The following NEMP2 variants were observed in gnomAD, a reference collection of about 807,000 sequenced individuals.
NEMP2 encodes nuclear envelope integral membrane protein 2, also known as UPF0571 transmembrane protein.
In NEMP2, 53 loss-of-function variants were observed where a neutral mutation model predicts 54.2. The ratio of observed to expected loss-of-function variants is 0.98; its 90% CI spans 0.78 to 1.23. The LOEUF (loss-of-function observed/expected upper bound fraction) is 1.23. Among genes scored for constraint, NEMP2 ranks in the 50% most tolerant of loss-of-function variants. The pLI, the probability that NEMP2 is intolerant of heterozygous loss-of-function variation, is 0.00. For missense variants in NEMP2, 455 were observed against 511.3 expected (o/e 0.89, Z 1.06); for synonymous variants, 197 against 190.3 (o/e 1.04, Z -0.29).
chr2:190,472,264 AG>A, the NEMP2 span, among the ~76,000 whole-genome samples: 3 of 152,256 alleles, frequency 2.0e-5, no homozygotes, highest in Non-Finnish European at 4.4e-5. Flanking sequence ...AGTTGAGAGA[AG>A]GCTTCAGACG....
At chr2:190,607,022 T>G in the NEMP2 span, among the ~76,000 whole-genome samples, 1 of 152,000 alleles carries the variant, frequency 6.6e-6, no homozygotes, top group African/African-American at 2.4e-5. The surrounding 1 kb of genome is among the most constrained non-coding windows in gnomAD (Gnocchi z 5.2). Context: ...GAGTCCTCAG[T>G]ATAGGTGCTG....
At chr2:190,641,468 G>A in the NEMP2 span, 1 of 152,352 alleles carries the variant, frequency 6.6e-6, no homozygotes, top group African/African-American at 2.4e-5. Context: ...TAGACCTAGA[G>A]GAAGAGAGAA....
At chr2:190,630,355 T>G in the NEMP2 span, among the ~76,000 whole-genome samples, 1 of 152,118 alleles carries the variant, frequency 6.6e-6, no homozygotes, top group Non-Finnish European at 1.5e-5. This position sits in a 1 kb window ranked among gnomAD's most constrained non-coding sequence, Gnocchi z 5.5. Context: ...GTAGCTGGGA[T>G]TACAGGCCAG....
chr2:190,464,193 AGTCT>A, the NEMP2 span, among the ~76,000 whole-genome samples: 1 of 152,230 alleles, frequency 6.6e-6, no homozygotes, highest in African/African-American at 2.4e-5. Flanking sequence ...GACAAGTGTC[AGTCT>A]AACGGCAAAT....
In NEMP2 at chr2:190,523,251, C is replaced by T. The variant is rs1024814950; in HGVS notation, c.213+2012G>A. The stretch of plus-strand genomic sequence containing the variant: ...GAATTAACCTAAAATACACAACCTC[C>T]GAAAAAGATTTTAAAAAAACACTAT... On this transcript the variant is annotated intron_variant, in intron 2 of 8. Transcript: ENST00000409150. This position sits in a 1 kb window ranked among gnomAD's most constrained non-coding sequence, Gnocchi z 5.3. 6.6e-6 allele frequency among the ~76,000 whole-genome samples: 1 copy of T among 151,942 alleles called. No individual in the cohort carries two copies. Among genetic ancestry groups the T allele is most frequent in the East Asian group, 1.9e-4 (1 of 5,186 alleles).
At chr2:190,452,073 T>C in the NEMP2 span, among the ~76,000 whole-genome samples, 1 of 152,212 alleles carries the variant, frequency 6.6e-6, no homozygotes, top group Non-Finnish European at 1.5e-5. Flanking sequence ...AGATGAAAGT[T>C]TTTTGTTTTT....
At position 190,534,546 on chromosome 2, in the gene NEMP2, G is replaced by C. The variant is rs1254240149; in HGVS notation, c.97+13C>G. On this transcript the variant is annotated intron_variant, in intron 1 of 8. Coordinates refer to ENST00000409150, the MANE Select transcript of NEMP2 (RefSeq NM_001142645.2). Reference sequence around the variant, plus strand: ...CACGCACGCGCGCGCCGCCGCCGCCGGTCCCGGGTTACCTGATAACGCTGC... The same window carrying C: ...CACGCACGCGCGCGCCGCCGCCGCCCGTCCCGGGTTACCTGATAACGCTGC... 2.9e-6 allele frequency: 4 copies of C among 1,393,728 alleles called. No individual in the cohort carries two copies. Among genetic ancestry groups the C allele is most frequent in the African/African-American group, 1.5e-5 (1 of 66,024 alleles). The allele number at this position is 1,393,728 out of a possible 1,614,324, so 86.3% of individuals were successfully genotyped here. A position where few individuals can be genotyped will look rare whatever the true frequency, so the allele number is the denominator to read the frequency against.
At chr2:190,552,541 C>G in the NEMP2 span, among the ~76,000 whole-genome samples, 2 of 151,952 alleles carry the variant, frequency 1.3e-5, no homozygotes, top group African/African-American at 4.8e-5. Context: ...GGTAACATAC[C>G]AAGACCCCAT....
chr2:190,517,463 T>C (rs1246973013), intron 5 of NEMP2, 57 bp downstream of exon 5: 2 of 1,224,434 alleles, frequency 1.6e-6, no homozygotes, highest in Non-Finnish European at 2.3e-6. Flanking sequence ...GATTAATTTT[T>C]CATGTCTGTA....
Position 190,514,168 on chromosome 2 carries a change from T to A in NEMP2, c.953+285A>T, listed in dbSNP as rs1417437174. Among the ~76,000 whole-genome samples, 1 of 152,238 alleles carries A rather than the reference T, an allele frequency of 6.6e-6. No homozygotes were observed. The highest frequency in any genetic ancestry group is 1.9e-4 in the East Asian group (1 of 5,202). ...GTTGAATAAAAGAAGATATTTTAGGTAACCCAGAGTCCAAGTACTTCTGCC... is the reference window on the plus strand; with the variant it reads ...GTTGAATAAAAGAAGATATTTTAGGAAACCCAGAGTCCAAGTACTTCTGCC... On this transcript the variant is annotated intron_variant, in intron 7 of 8. Transcript: ENST00000409150. The surrounding 1 kb of genome is among the most constrained non-coding windows in gnomAD (Gnocchi z 5.7).
chr2:190,483,835 C>CA, the NEMP2 span, among the ~76,000 whole-genome samples: 22,928 of 85,908 alleles, frequency 0.27, 2,531 homozygotes, highest in Admixed American at 0.43. Flanking sequence ...AACTCATTTT[C>CA]AAAAAAAAAA....
chr2:190,481,973 C>G, the NEMP2 span, among the ~76,000 whole-genome samples: 1 of 152,180 alleles, frequency 6.6e-6, no homozygotes, highest in African/African-American at 2.4e-5. Flanking sequence ...CGTGGACATG[C>G]AGCTAGATTC....
chr2:190,445,737 A>AT, the NEMP2 span, among the ~76,000 whole-genome samples: 2,644 of 152,272 alleles, frequency 0.017, 31 homozygotes, highest in Middle Eastern at 0.031. Context: ...GTCAGTTGGA[A>AT]TTTTTTTAAA....
At chr2:190,615,215 G>A in the NEMP2 span, among the ~76,000 whole-genome samples, 6 of 152,154 alleles carry the variant, frequency 3.9e-5, no homozygotes, top group African/African-American at 1.4e-4. This position sits in a 1 kb window ranked among gnomAD's most constrained non-coding sequence, Gnocchi z 4.7. Flanking sequence ...CCAATCACAA[G>A]CTCCGGGTTG....
chr2:190,551,835 A>G, the NEMP2 span, among the ~76,000 whole-genome samples: 2 of 152,138 alleles, frequency 1.3e-5, no homozygotes, highest in Non-Finnish European at 2.9e-5. Context: ...GTTTTTATGT[A>G]TTAAAAAGAG....
the NEMP2 span, among the ~76,000 whole-genome samples, chr2:190,644,725 C>T: frequency 9.9e-5 from 15 of 151,896 alleles, no homozygotes; most frequent in Admixed American, 2.0e-4. This position sits in a 1 kb window ranked among gnomAD's most constrained non-coding sequence, Gnocchi z 4.4. Flanking sequence ...AAGGAAACAA[C>T]AGACAGCGCG....
the NEMP2 span, among the ~76,000 whole-genome samples, chr2:190,544,296 T>C: frequency 6.6e-6 from 1 of 152,182 alleles, no homozygotes; most frequent in South Asian, 2.1e-4. Context: ...GTAATTTTAA[T>C]AAGTCATGTC....
At position 190,534,668 on chromosome 2, in the gene NEMP2, C is replaced by T. The variant is rs1363170614; in HGVS notation, c.-13G>A. The T allele has an allele frequency of 1.6e-6, 2 of 1,268,484 alleles. No individual in the cohort carries two copies. The highest frequency in any genetic ancestry group is 2.0e-6 in the Non-Finnish European group (2 of 1,007,754). 78.6% of individuals were successfully genotyped at this position (1,268,484 alleles called of 1,614,324 possible). ...GGCGCGGCCCCATTTCGTTAGGGGT[C>T]AGCTCCGTGCGACCCGAGCCCTAGG... On this transcript the variant is annotated 5_prime_UTR_variant, in exon 1 of 9. Transcript: ENST00000409150.
chr2:190,515,123 ACT>A (rs1236850505), intron 6 of NEMP2, among the ~76,000 whole-genome samples: 2 of 152,154 alleles, frequency 1.3e-5, no homozygotes, highest in Non-Finnish European at 2.9e-5. Flanking sequence ...CGATGGTGAG[ACT>A]ATAAGCTATT....
Sources: gnomAD v4.1 joint callset for allele counts (sites outside exome capture counted in the v4.1 genomes callset) on GRCh38, gnomAD v4.1.1 for gene constraint, Gnocchi (gnomAD v3.1) non-coding constraint, MANE v1.5 for transcripts, NCBI Gene and HGNC (gene_info 2026-07-23, HGNC 2026-07-21) for gene names.